BACH1: variants seen among roughly 807,000 people sequenced by gnomAD.
BACH1 encodes the protein transcription regulator protein BACH1.
BACH1 carries 35 observed loss-of-function variants against 52.9 expected under a neutral mutation model. The ratio of observed to expected loss-of-function variants is 0.66; its 90% CI spans 0.51 to 0.88. The LOEUF is 0.88. Among genes scored for constraint, BACH1 ranks in the 40% least tolerant of loss-of-function variants. The pLI, the probability that BACH1 is intolerant of heterozygous loss-of-function variation, is 0.00. For synonymous variants in BACH1, 321 were observed against 319.6 expected (o/e 1.00, Z -0.05); for missense variants, 808 against 872.6 (o/e 0.93, Z 0.93).
intron 4 of BACH1, among the ~76,000 whole-genome samples, chr21:29,330,986 C>G (rs184090324): frequency 6.6e-6 from 1 of 151,026 alleles, no homozygotes. Context: ...CAAACACCGA[C>G]ATGATATTGC....
At chr21:29,325,345 T>G (rs1361752219) in intron 2 of BACH1, among the ~76,000 whole-genome samples, 5 of 152,210 alleles carry the variant, frequency 3.3e-5, no homozygotes, top group Non-Finnish European at 7.3e-5. Flanking sequence ...GTACTGGAGT[T>G]GGTTCCATTT....
At chr21:29,360,020 G>A (rs548760336) in intron 2 of BACH1, among the ~76,000 whole-genome samples, 1 of 152,296 alleles carries the variant, frequency 6.6e-6, no homozygotes, top group South Asian at 2.1e-4. Context: ...TGTATTCAGT[G>A]AAAGGCTGAT....
intron 1 of BACH1, 148 bp from the exon 2 acceptor site, chr21:29,321,073 G>A: frequency 1.9e-6 from 1 of 525,220 alleles, no homozygotes; most frequent in African/African-American, 1.9e-5. Context: ...TTTAAATGAA[G>A]TATATTGAAT....
chr21:29,318,041 C>T (rs968684813), intron 1 of BACH1, among the ~76,000 whole-genome samples: 2 of 151,842 alleles, frequency 1.3e-5, no homozygotes, highest in South Asian at 2.1e-4. Flanking sequence ...GTAGGTGATG[C>T]GCCTATGTGG....
chr21:29,317,558 G>C (rs547422973), intron 1 of BACH1, among the ~76,000 whole-genome samples: 1 of 152,248 alleles, frequency 6.6e-6, no homozygotes, highest in African/African-American at 2.4e-5. Flanking sequence ...AGCAAGAAAG[G>C]GGGGCAATGG....
At chr21:29,355,196 C>T (rs1218962009) in intron 2 of BACH1, among the ~76,000 whole-genome samples, 1 of 152,162 alleles carries the variant, frequency 6.6e-6, no homozygotes, top group Non-Finnish European at 1.5e-5. Context: ...TCTGTTTTTA[C>T]AGAGTGCTGA....
At chr21:29,336,506 G>T (rs1427413013) in intron 4 of BACH1, among the ~76,000 whole-genome samples, 1 of 152,010 alleles carries the variant, frequency 6.6e-6, no homozygotes, top group Admixed American at 6.6e-5. Context: ...TAATTATCCC[G>T]TTCCCCAATA....
chr21:29,341,701 C>G (rs1289020610), intron 4 of BACH1, among the ~76,000 whole-genome samples: 1 of 152,208 alleles, frequency 6.6e-6, no homozygotes, highest in Non-Finnish European at 1.5e-5. Flanking sequence ...CCGGCTGTCT[C>G]TAGGCATCTT....
At chr21:29,350,122 C>G (rs1489091030), downstream of BACH1, among the ~76,000 whole-genome samples, 1 of 152,144 alleles carries the variant, frequency 6.6e-6, no homozygotes, top group Non-Finnish European at 1.5e-5. Context: ...TTACCCAGAC[C>G]AACGTCACTC....
chr21:29,358,796 A>AAGAC (rs1569028858), intron 2 of BACH1, among the ~76,000 whole-genome samples: 52 of 131,004 alleles, frequency 4.0e-4, no homozygotes, highest in Non-Finnish European at 6.5e-4. Context: ...GAAAGAAAGA[A>AAGAC]AGAAAGAAAG....
chr21:29,320,231 T>A (rs932647896), intron 1 of BACH1, among the ~76,000 whole-genome samples: 7 of 152,206 alleles, frequency 4.6e-5, no homozygotes, highest in Non-Finnish European at 1.0e-4. Flanking sequence ...CCGTGAGGCA[T>A]CACACGGATA....
Position 29,344,912 on chromosome 21 carries a change from G to A in BACH1, c.*2079G>A, listed in dbSNP as rs2089153818. The A allele has an allele frequency of 1.3e-5, 2 of 152,562 alleles. No homozygotes were observed. Among genetic ancestry groups the A allele is most frequent in the African/African-American group, 4.8e-5 (2 of 41,420 alleles). The allele number at this position is 152,562 out of a possible 1,614,324, so 9.5% of individuals were successfully genotyped here. ...AATTGCTACTGTACTTGCTTTGAAA[G>A]ATTACCTACTATTTTATGATAAAAT... On this transcript the variant is annotated 3_prime_UTR_variant, in exon 5 of 5. Transcript: ENST00000286800.
At chr21:29,319,796 C>T (rs1467432201) in intron 1 of BACH1, among the ~76,000 whole-genome samples, 1 of 150,192 alleles carries the variant, frequency 6.7e-6, no homozygotes, top group Non-Finnish European at 1.5e-5. Context: ...GCAGTGTGCT[C>T]TGGGCAGGGT....
At chr21:29,360,176 T>C (rs1222396153) in intron 2 of BACH1, among the ~76,000 whole-genome samples, 2 of 152,176 alleles carry the variant, frequency 1.3e-5, no homozygotes, top group African/African-American at 2.4e-5. Flanking sequence ...AAAATCAAGC[T>C]AAAATGTATA....
intron 2 of BACH1, among the ~76,000 whole-genome samples, chr21:29,356,397 T>TA (rs2089234907): frequency 6.6e-6 from 1 of 152,382 alleles, no homozygotes. Context: ...TCCTTCCTGA[T>TA]ACTGTAAGTA....
chr21:29,315,526 T>C (rs919400593), intron 1 of BACH1, among the ~76,000 whole-genome samples: 4 of 152,186 alleles, frequency 2.6e-5, no homozygotes, highest in Non-Finnish European at 5.9e-5. Context: ...TTTTGAGGAA[T>C]GGACTGGGCT....
chr21:29,337,789 C>G (rs901134500), intron 4 of BACH1, among the ~76,000 whole-genome samples: 4 of 152,040 alleles, frequency 2.6e-5, no homozygotes, highest in Admixed American at 2.0e-4. Flanking sequence ...GCCTGGCCAA[C>G]ATGGTGGTGC....
rs954180524 is a variant in BACH1 at position 29,326,035 on chromosome 21, T to C, written c.235-24T>C. ...CTAGACAGCTTTCAAATGATGTGTT[T>C]GTTTTTATTTTGTGTATCAACAGGT... is the stretch of plus-strand genomic sequence containing the variant. On this transcript the variant is annotated intron_variant, in intron 2 of 4. Transcript: ENST00000286800. 3 of 1,566,788 alleles carry C rather than the reference T, an allele frequency of 1.9e-6. No individual in the cohort carries two copies. The African/African-American group carries it at 4.1e-5, about 22-fold the overall frequency.
chr21:29,313,465 C>T (rs1000464254), intron 1 of BACH1, among the ~76,000 whole-genome samples: 2 of 152,144 alleles, frequency 1.3e-5, no homozygotes, highest in Non-Finnish European at 1.5e-5. Context: ...AAGTGATACA[C>T]GAAATATATG....
Sources: gnomAD v4.1 joint callset for allele counts (sites outside exome capture counted in the v4.1 genomes callset) on GRCh38, gnomAD v4.1.1 for gene constraint, MANE v1.5 for transcripts, NCBI Gene and HGNC (gene_info 2026-07-23, HGNC 2026-07-21) for gene names.